Variants in APLP2 observed in about 807,000 individuals in gnomAD.
The protein encoded by APLP2 is CDEI box-binding protein.
In APLP2, 53 loss-of-function variants were observed where a neutral mutation model predicts 89.9. The observed-to-expected ratio is 0.59, with a 90% CI of 0.47 to 0.74. The LOEUF is 0.74. Ranked by LOEUF, APLP2 falls within the 30% of genes least tolerant of loss-of-function variation. APLP2 has a pLI of 0.00. For synonymous variants in APLP2, 372 were observed against 348.6 expected, an observed-to-expected ratio of 1.07 and a Z score of -0.75; for missense variants, 973 against 975.9, an observed-to-expected ratio of 1.00 and a Z score of 0.04.
chr11:130,131,365 C>G (rs569449828), intron 11 of APLP2, among the ~76,000 whole-genome samples: 2 of 152,174 alleles, frequency 1.3e-5, no homozygotes, highest in Non-Finnish European at 2.9e-5. Context: ...TCCCAAAGTT[C>G]TAGGATTACA....
chr11:130,113,840 G>A (rs986996186), intron 3 of APLP2, among the ~76,000 whole-genome samples: 1 of 152,066 alleles, frequency 6.6e-6, no homozygotes, highest in East Asian at 1.9e-4. Flanking sequence ...TTACAAAAAT[G>A]GCACAGAGTT....
intron 3 of APLP2, among the ~76,000 whole-genome samples, chr11:130,117,735 A>G (rs576587663): frequency 6.6e-6 from 1 of 152,282 alleles, no homozygotes; most frequent in South Asian, 2.1e-4. Context: ...TTTACTTTAC[A>G]TCATTTTTTA....
At position 130,121,718 on chromosome 11, in the gene APLP2, G is replaced by A. The variant is rs1409353869; in HGVS notation, c.621G>A (p.Lys207=). 3 of 1,614,010 alleles carry A rather than the reference G, an allele frequency of 1.9e-6. No homozygotes were observed. Among genetic ancestry groups the A allele is most frequent in the African/African-American group, 1.3e-5 (1 of 74,894 alleles). ...GTEYVCCPQT[K]IIGSVSKEEE... ...AATATGTGTGCTGCCCTCAGACAAA[G>A]ATTATTGGATCTGTGTCAAAAGAAG... Residue 207 remains lysine, a synonymous_variant, in exon 5 of 17, where the codon AAG becomes AAA. Transcript: ENST00000338167.
Position 130,141,571 on chromosome 11 carries a change from G to A in APLP2, c.1997G>A (p.Arg666Gln), listed in dbSNP as rs200563658. The change falls in exon 15 of 17, where the codon CGG (arginine) becomes CAG (glutamine). Residue 666 changes from arginine (R) to glutamine (Q), a missense_variant and splice_region_variant. Physicochemically the swap from Arg to Gln is conservative, Grantham distance 43 (BLOSUM62 1). Coordinates refer to ENST00000338167, the MANE Select transcript of APLP2 (RefSeq NM_001142276.2). The surrounding 1 kb of genome is among the most constrained non-coding windows in gnomAD (Gnocchi z 4.2). The stretch of plus-strand genomic sequence containing the variant: ...AGAGTTGGAGGCCTCGAGGAAGAGC[G>A]GGTACGTGTTTAGCTCCAGAACCTA... ...AERVGGLEEE[R>Q]ESVGPLREDF... is the part of the protein sequence containing the mutation. The A allele has an allele frequency of 2.9e-5, 46 of 1,613,602 alleles. No individual in the cohort carries two copies. The highest frequency in any genetic ancestry group is 3.4e-5 in the Non-Finnish European group (40 of 1,179,730).
At chr11:130,105,670 TTC>T (rs145339301) in intron 1 of APLP2, among the ~76,000 whole-genome samples, 8,694 of 150,588 alleles carry the variant, frequency 0.058, 269 homozygotes, top group Non-Finnish European at 0.073. Context: ...GTCTCTCTCT[TTC>T]TCTCTCTCTC....
chr11:130,110,597 C>T lies in APLP2; in HGVS notation c.339C>T (p.Asp113=), dbSNP rs1434508460. The change falls in exon 3 of 17, where the codon GAC becomes GAT. Residue 113 remains aspartate, a synonymous_variant. Transcript: ENST00000338167. ...VMEANQRVSI[D]NWCRRDKKQC... ...AGGCAAACCAGCGGGTTAGTATTGA[C>T]AACTGGTGCCGGAGGGACAAAAAGC... 21 of 1,613,620 alleles carry T rather than the reference C, an allele frequency of 1.3e-5. No homozygotes were observed. The highest frequency in any genetic ancestry group is 2.2e-5 in the South Asian group (2 of 91,062).
intron 1 of APLP2, among the ~76,000 whole-genome samples, chr11:130,106,152 C>T (rs1219377381): frequency 6.6e-6 from 1 of 152,190 alleles, no homozygotes; most frequent in Non-Finnish European, 1.5e-5. Flanking sequence ...ATTATTTTTA[C>T]CCAACATGAG....
At chr11:130,138,155 T>G (rs558442645) in intron 13 of APLP2, among the ~76,000 whole-genome samples, 10 of 152,328 alleles carry the variant, frequency 6.6e-5, no homozygotes, top group Middle Eastern at 3.4e-3. Flanking sequence ...TTTCAACATT[T>G]CTTGTTCATA....
At chr11:130,088,798 A>G (rs1206478392) in intron 1 of APLP2, among the ~76,000 whole-genome samples, 2 of 152,046 alleles carry the variant, frequency 1.3e-5, no homozygotes, top group African/African-American at 4.8e-5. Context: ...TTAATAATAT[A>G]CCTGTAGAAA....
chr11:130,078,460 T>C (rs760577699), intron 1 of APLP2, among the ~76,000 whole-genome samples: 4 of 152,184 alleles, frequency 2.6e-5, no homozygotes, highest in Non-Finnish European at 5.9e-5. Context: ...AATTTTAATG[T>C]CTAATTTTTT....
At chr11:130,079,956 T>G (rs1489605237) in intron 1 of APLP2, among the ~76,000 whole-genome samples, 1 of 152,332 alleles carries the variant, frequency 6.6e-6, no homozygotes, top group East Asian at 1.9e-4. Context: ...TCAAACATCT[T>G]TTTTTGCCAA....
rs1448000988 is a variant in APLP2, at chr11:130,123,100, T to C, written c.923-512T>C. On this transcript the variant is annotated intron_variant, in intron 6 of 16. Coordinates refer to ENST00000338167, the MANE Select transcript of APLP2 (RefSeq NM_001142276.2). This position sits in a 1 kb window ranked among gnomAD's most constrained non-coding sequence, Gnocchi z 4.0. ...ATCGTATATTTGAAACCAATTAAGA[T>C]GCGAAGAATTATTTAGGACCCAAGT... 6.6e-6 allele frequency among the ~76,000 whole-genome samples: 1 copy of C among 152,138 alleles called. No homozygotes were observed. Among genetic ancestry groups the C allele is most frequent in the East Asian group, 1.9e-4 (1 of 5,198 alleles).
Position 130,110,753 on chromosome 11 carries a change from G to T in APLP2, c.403+92G>T, listed in dbSNP as rs141362971. 12 of 1,414,492 alleles carry T rather than the reference G, an allele frequency of 8.5e-6. No individual in the cohort carries two copies. In the African/African-American group the frequency reaches 1.2e-4, roughly 14 times the overall value. The allele number at this position is 1,414,492 out of a possible 1,614,324, so 87.6% of individuals were successfully genotyped here. A position where few individuals can be genotyped will look rare whatever the true frequency, so the allele number is the denominator to read the frequency against. On this transcript the variant is annotated intron_variant, in intron 3 of 16. Transcript: ENST00000338167. ...GGCTCACAGTGAAATATTTACACCTGTTAAGAAGCTGAGTGTGACATGAAT... is the reference window on the plus strand; with the variant it reads ...GGCTCACAGTGAAATATTTACACCTTTTAAGAAGCTGAGTGTGACATGAAT...
intron 1 of APLP2, among the ~76,000 whole-genome samples, chr11:130,107,728 T>C (rs61913744): frequency 6.8e-4 from 103 of 152,176 alleles, no homozygotes; most frequent in Non-Finnish European, 1.3e-3. Context: ...AAAGTTCATA[T>C]GGAACCAAAA....
intron 2 of APLP2, 174 bp downstream of exon 2, chr11:130,109,776 G>C: frequency 1.6e-6 from 1 of 612,324 alleles, no homozygotes; most frequent in Non-Finnish European, 2.6e-6. Flanking sequence ...CCTCTCAAAG[G>C]CTTTGCCTGC....
At chr11:130,083,152 C>T (rs1174248646) in intron 1 of APLP2, among the ~76,000 whole-genome samples, 3 of 150,522 alleles carry the variant, frequency 2.0e-5, no homozygotes, top group African/African-American at 7.3e-5. Flanking sequence ...TCTCCCACCT[C>T]AGCCTCCCAA....
chr11:130,133,142 A>G (rs1485518430), intron 11 of APLP2, among the ~76,000 whole-genome samples: 7 of 149,492 alleles, frequency 4.7e-5, no homozygotes, highest in African/African-American at 7.4e-5. Flanking sequence ...TTTTTTTTTA[A>G]GACAGGATCT....
chr11:130,140,212 C>T (rs1952183164), intron 13 of APLP2, among the ~76,000 whole-genome samples, 186 bp from the exon 14 acceptor site: 1 of 152,196 alleles, frequency 6.6e-6, no homozygotes. Flanking sequence ...TCTGCAAATG[C>T]CTGTCTCATT....
At chr11:130,136,276 C>T (rs916193074) in intron 13 of APLP2, among the ~76,000 whole-genome samples, 3 of 152,136 alleles carry the variant, frequency 2.0e-5, no homozygotes, top group East Asian at 1.9e-4. Flanking sequence ...CCCTGAGAGC[C>T]GTCCCCCTCA....
Sources: gnomAD v4.1 joint callset for allele counts (sites outside exome capture counted in the v4.1 genomes callset) on GRCh38, gnomAD v4.1.1 for gene constraint, Gnocchi (gnomAD v3.1) non-coding constraint, MANE v1.5 for transcripts, NCBI Gene and HGNC (gene_info 2026-07-23, HGNC 2026-07-21) for gene names.